Variants in ATAD2B observed in about 807,000 individuals in gnomAD.
ATAD2B encodes ATPase family AAA domain-containing protein 2B.
ATAD2B carries 40 observed loss-of-function variants against 167.6 expected under a neutral mutation model. The ratio of observed to expected loss-of-function variants is 0.24; its 90% CI spans 0.19 to 0.31. The LOEUF (loss-of-function observed/expected upper bound fraction) is 0.31, where lower values mean the gene tolerates loss of function less well. Ranked by LOEUF, ATAD2B falls within the 10% of genes least tolerant of loss-of-function variation. The pLI is 1.00. For synonymous variants in ATAD2B, 579 were observed against 596.5 expected, an observed-to-expected ratio of 0.97 and a Z score of 0.43; for missense variants, 1,242 against 1,757.2, an observed-to-expected ratio of 0.71 and a Z score of 5.24.
At chr2:23,921,381 C>G (rs1337794875) in intron 1 of ATAD2B, among the ~76,000 whole-genome samples, 1 of 152,110 alleles carries the variant, frequency 6.6e-6, no homozygotes, top group Non-Finnish European at 1.5e-5. Flanking sequence ...GACAGGATCA[C>G]TCAACATTCA....
At chr2:23,745,782 CACT>C (rs1674846285), downstream of ATAD2B, among the ~76,000 whole-genome samples, 1 of 152,196 alleles carries the variant, frequency 6.6e-6, no homozygotes, top group African/African-American at 2.4e-5. Flanking sequence ...AAGCATTTAC[CACT>C]GTTAGGTAAC....
intron 1 of ATAD2B, among the ~76,000 whole-genome samples, chr2:23,903,332 A>G (rs1182010545): frequency 2.0e-5 from 3 of 152,178 alleles, no homozygotes; most frequent in East Asian, 3.8e-4. Context: ...AATGGGGCAC[A>G]TAAAATACCA....
At chr2:23,759,524 TAAATTCACAAG>T (rs966512530) in intron 24 of ATAD2B, among the ~76,000 whole-genome samples, 5 of 152,202 alleles carry the variant, frequency 3.3e-5, no homozygotes, top group Non-Finnish European at 5.9e-5. Flanking sequence ...TGCATCTCTG[TAAATTCACAAG>T]AAATAGATAA....
intron 19 of ATAD2B, among the ~76,000 whole-genome samples, chr2:23,792,538 A>G (rs537295391): frequency 2.4e-4 from 37 of 152,160 alleles, no homozygotes; most frequent in Admixed American, 2.1e-3. Flanking sequence ...TAAACCTAAG[A>G]AAGCTTTCAT....
At chr2:23,715,471 G>A in the ATAD2B span, among the ~76,000 whole-genome samples, 2 of 152,144 alleles carry the variant, frequency 1.3e-5, no homozygotes, top group South Asian at 4.2e-4. Context: ...CTACTCGGGA[G>A]GCTGAGGCAG....
chr2:23,890,132 G>A (rs984567558), intron 2 of ATAD2B, among the ~76,000 whole-genome samples: 2 of 151,442 alleles, frequency 1.3e-5, no homozygotes, highest in East Asian at 1.9e-4. Flanking sequence ...GGAGAATGGC[G>A]TGAACCTGGG....
At chr2:23,880,824 G>T (rs1697769650) in intron 6 of ATAD2B, 69 bp from the exon 7 acceptor site, 2 of 893,780 alleles carry the variant, frequency 2.2e-6, no homozygotes, top group South Asian at 1.5e-5. Flanking sequence ...GTCTACTCTA[G>T]AACTGAATAT....
chr2:23,764,562 C>G (rs186008758), intron 23 of ATAD2B, among the ~76,000 whole-genome samples: 1 of 152,226 alleles, frequency 6.6e-6, no homozygotes, highest in East Asian at 1.9e-4. Context: ...GGGACTGGAG[C>G]AGAGATATAA....
intron 19 of ATAD2B, among the ~76,000 whole-genome samples, chr2:23,796,434 A>G (rs1214796563): frequency 2.0e-5 from 3 of 152,230 alleles, no homozygotes; most frequent in Admixed American, 1.3e-4. Flanking sequence ...AAAATACTAA[A>G]CCAACAGTAA....
chr2:23,691,962 G>A, the ATAD2B span: 5 of 1,367,388 alleles, frequency 3.7e-6, no homozygotes, highest in South Asian at 1.3e-5. Flanking sequence ...TGAGCGGGGA[G>A]GTCTGTGTGT....
chr2:23,893,914 T>C (rs2150348704), intron 2 of ATAD2B, among the ~76,000 whole-genome samples: 1 of 152,100 alleles, frequency 6.6e-6, no homozygotes, highest in East Asian at 2.0e-4. Flanking sequence ...TCCTCCTGCC[T>C]TGGCCTCCCA....
At chr2:23,858,263 G>T (rs1328942529) in intron 12 of ATAD2B, among the ~76,000 whole-genome samples, 1 of 151,978 alleles carries the variant, frequency 6.6e-6, no homozygotes, top group Non-Finnish European at 1.5e-5. Flanking sequence ...TGGGATTACA[G>T]GCATGTGCCA....
intron 18 of ATAD2B, 21 bp from the exon 19 acceptor site, chr2:23,798,344 AC>A: frequency 6.5e-7 from 1 of 1,535,874 alleles, no homozygotes; most frequent in South Asian, 1.2e-5. Context: ...AAAAAAACCA[AC>A]ATTAAACAAC....
At chr2:23,854,170 G>C (rs542763770) in intron 13 of ATAD2B, among the ~76,000 whole-genome samples, 34 of 152,068 alleles carry the variant, frequency 2.2e-4, no homozygotes, top group Middle Eastern at 3.4e-3. Context: ...ACTTGAACCT[G>C]GGAGGTGGAG....
intron 1 of ATAD2B, among the ~76,000 whole-genome samples, chr2:23,917,747 TGA>T (rs1703258159): frequency 2.0e-5 from 3 of 150,816 alleles, no homozygotes; most frequent in Admixed American, 1.3e-4. Context: ...GGCAACATAG[TGA>T]GACTCCTGTC....
the ATAD2B span, chr2:23,695,910 C>CT: frequency 1.2e-4 from 189 of 1,544,348 alleles, 1 homozygote; most frequent in Middle Eastern, 1.7e-4. The surrounding 1 kb of genome is among the most constrained non-coding windows in gnomAD (Gnocchi z 7.6). Flanking sequence ...TGCCGACAGT[C>CT]TTAGAGTGTG....
chr2:23,828,991 G>C, intron 14 of ATAD2B, 52 bp from the exon 15 acceptor site: 2 of 1,201,946 alleles, frequency 1.7e-6, no homozygotes, highest in Non-Finnish European at 2.4e-6. Context: ...GAAAAGTACA[G>C]ATAAAATATT....
chr2:23,762,316 G>T lies in ATAD2B; in HGVS notation c.3287C>A (p.Pro1096His), dbSNP rs775849170. 43 of 1,613,108 alleles carry T rather than the reference G, an allele frequency of 2.7e-5. No individual in the cohort carries two copies. The highest frequency in any genetic ancestry group is 3.6e-5 in the Non-Finnish European group (42 of 1,179,630). ...TGTCTTCCGAGCTCCAGTACTATGA[G>T]GATTTATTTGTTCTGATGTTACTGA... ...GLSVTSEQIN[P>H]HSTGARKTET... is the part of the protein sequence containing the mutation. Residue 1096 changes from proline to histidine, a missense_variant, in exon 24 of 28, where the codon CCT becomes CAT. Physicochemically the swap from Pro to His is moderately conservative, Grantham distance 77. This residue lies in a region of ATAD2B where 204 missense variants were observed against 324.0 expected (regional missense o/e 0.63). Transcript: ENST00000238789.
chr2:23,880,598 C>A, intron 7 of ATAD2B, 41 bp downstream of exon 7: 4 of 1,106,152 alleles, frequency 3.6e-6, no homozygotes, highest in South Asian at 1.4e-5. Flanking sequence ...GAATAAGTTA[C>A]TCAACTACCA....
Sources: gnomAD v4.1 joint callset for allele counts (sites outside exome capture counted in the v4.1 genomes callset) on GRCh38, gnomAD v4.1.1 for gene constraint, gnomAD v4.1.1 regional missense constraint, Gnocchi (gnomAD v3.1) non-coding constraint, MANE v1.5 for transcripts, NCBI Gene and HGNC (gene_info 2026-07-23, HGNC 2026-07-21) for gene names.